Variants in SHLD2 observed in about 807,000 individuals in gnomAD.
SHLD2 encodes the protein RINN1-REV7-interacting novel NHEJ regulator 2.
Under a neutral mutation model 73.2 loss-of-function variants are expected in SHLD2, and 30 were observed. That is an observed-to-expected ratio of 0.41 (90% CI 0.31 to 0.56). SHLD2 has a LOEUF of 0.56. SHLD2 is among the 20% of genes least tolerant of loss of function. The pLI, the probability that SHLD2 is intolerant of heterozygous loss-of-function variation, is 0.28. For synonymous variants in SHLD2, 285 were observed against 370.1 expected, an observed-to-expected ratio of 0.77 and a Z score of 2.64; for missense variants, 745 against 1,055.9, an observed-to-expected ratio of 0.71 and a Z score of 4.08.
chr10:87,096,095 T>C (rs1841851496), intron 1 of SHLD2, among the ~76,000 whole-genome samples: 1 of 152,212 alleles, frequency 6.6e-6, no homozygotes, highest in Non-Finnish European at 1.5e-5. Flanking sequence ...GGCGGGAGTG[T>C]AGTGGCACCA....
At chr10:87,130,997 G>A (rs1844388008) in intron 2 of SHLD2, among the ~76,000 whole-genome samples, 1 of 152,130 alleles carries the variant, frequency 6.6e-6, no homozygotes, top group Admixed American at 6.6e-5. Context: ...AGCCTGGGAT[G>A]TGGAGGTTGC....
At chr10:87,154,345 A>T (rs1284194953) in intron 3 of SHLD2, 1 of 151,656 alleles carries the variant, frequency 6.6e-6, no homozygotes, top group East Asian at 1.9e-4. Context: ...CCAGGACTAC[A>T]GGCACGCATG....
At chr10:87,098,521 A>G (rs1756947680) in intron 2 of SHLD2, among the ~76,000 whole-genome samples, 1 of 151,952 alleles carries the variant, frequency 6.6e-6, no homozygotes, top group Non-Finnish European at 1.5e-5. Context: ...CTCAAAAAAA[A>G]AAAAAAAAAC....
At chr10:87,105,769 A>C (rs948753679) in intron 2 of SHLD2, among the ~76,000 whole-genome samples, 4 of 152,214 alleles carry the variant, frequency 2.6e-5, no homozygotes, top group African/African-American at 9.7e-5. Context: ...AGTTCTATGG[A>C]GAAACAGCAG....
At chr10:87,170,259 A>G (rs1589633335) in intron 4 of SHLD2, among the ~76,000 whole-genome samples, 1 of 152,256 alleles carries the variant, frequency 6.6e-6, no homozygotes, top group East Asian at 1.9e-4. Flanking sequence ...TTTTGGGGAT[A>G]GTAAATAATT....
chr10:87,146,624 T>A (rs753045461), intron 2 of SHLD2, among the ~76,000 whole-genome samples: 1 of 151,570 alleles, frequency 6.6e-6, no homozygotes, highest in Non-Finnish European at 1.5e-5. Flanking sequence ...GCTCATTAGC[T>A]ATCATTAGTG....
At chr10:87,094,721 C>A (rs1302249451), upstream of SHLD2, 2 of 1,509,396 alleles carry the variant, frequency 1.3e-6, no homozygotes, top group Non-Finnish European at 1.8e-6. This position sits in a 1 kb window ranked among gnomAD's most constrained non-coding sequence, Gnocchi z 6.6. Context: ...CCCAGGGCAG[C>A]GGGCCCGGCC....
intron 2 of SHLD2, among the ~76,000 whole-genome samples, chr10:87,106,892 C>T (rs1014164986): frequency 1.6e-4 from 25 of 152,018 alleles, no homozygotes; most frequent in Admixed American, 3.9e-4. Context: ...AGTAATATAT[C>T]AGAAGGATAG....
chr10:87,164,989 C>G (rs1422280447), intron 4 of SHLD2, among the ~76,000 whole-genome samples: 6 of 151,990 alleles, frequency 3.9e-5, no homozygotes, highest in Non-Finnish European at 5.9e-5. Flanking sequence ...GAGTTCGAGA[C>G]CAGCCTGGGC....
chr10:87,173,848 A>G (rs1280104622), intron 6 of SHLD2, among the ~76,000 whole-genome samples: 1 of 152,204 alleles, frequency 6.6e-6, no homozygotes, highest in Non-Finnish European at 1.5e-5. Flanking sequence ...GCAAGTCCCC[A>G]AAGAAGAAAT....
chr10:87,127,535 C>CCCTCCG (rs1554829062), intron 2 of SHLD2, among the ~76,000 whole-genome samples: 1 of 71,434 alleles, frequency 1.4e-5, no homozygotes, highest in Non-Finnish European at 2.7e-5. Flanking sequence ...ACCCGCCCCC[C>CCCTCCG]CCCACCCCGT....
At chr10:87,100,075 T>C (rs1325629985) in intron 2 of SHLD2, among the ~76,000 whole-genome samples, 6 of 152,186 alleles carry the variant, frequency 3.9e-5, no homozygotes, top group Non-Finnish European at 2.9e-5. Flanking sequence ...CCATTTTTCA[T>C]AGTGACTTTG....
At chr10:87,133,597 G>T (rs1383031669) in intron 2 of SHLD2, among the ~76,000 whole-genome samples, 1 of 152,136 alleles carries the variant, frequency 6.6e-6, no homozygotes, top group African/African-American at 2.4e-5. Context: ...TTATTCTATT[G>T]TGAAGAATAT....
intron 7 of SHLD2, among the ~76,000 whole-genome samples, chr10:87,177,770 C>T (rs1335347554): frequency 4.6e-5 from 7 of 152,022 alleles, no homozygotes; most frequent in East Asian, 3.8e-4. Flanking sequence ...GAAATGAAGA[C>T]GCTTACCCAG....
chr10:87,169,722 A>C (rs1164354102), intron 4 of SHLD2, among the ~76,000 whole-genome samples: 24 of 151,758 alleles, frequency 1.6e-4, no homozygotes, highest in Admixed American at 1.6e-3. Flanking sequence ...CATTTAAAAT[A>C]TATGCATGTT....
At chr10:87,156,279 C>G (rs1380414116) in intron 3 of SHLD2, among the ~76,000 whole-genome samples, 1 of 152,040 alleles carries the variant, frequency 6.6e-6, no homozygotes, top group Admixed American at 6.6e-5. Flanking sequence ...ATTGGCCGGG[C>G]TGGTCTCGAA....
intron 5 of SHLD2, 78 bp from the exon 6 acceptor site, chr10:87,170,762 A>G: frequency 6.3e-7 from 1 of 1,593,872 alleles, no homozygotes. Context: ...ATCACTATAT[A>G]TGTATCATCA....
chr10:87,132,147 C>T (rs1383081786), intron 2 of SHLD2, among the ~76,000 whole-genome samples: 1 of 152,110 alleles, frequency 6.6e-6, no homozygotes, highest in East Asian at 1.9e-4. Flanking sequence ...ATTTTCAAAT[C>T]TTTTGCCTCT....
intron 2 of SHLD2, among the ~76,000 whole-genome samples, chr10:87,134,527 C>G: frequency 6.6e-6 from 1 of 152,198 alleles, no homozygotes; most frequent in East Asian, 1.9e-4. Flanking sequence ...CACCCACACT[C>G]CAGCTCCTAC....
Sources: allele counts gnomAD v4.1 joint callset (sites outside exome capture counted in the v4.1 genomes callset), GRCh38; gene constraint gnomAD v4.1.1; non-coding constraint Gnocchi (gnomAD v3.1); transcripts MANE v1.5; gene names NCBI Gene and HGNC (gene_info 2026-07-23, HGNC 2026-07-21).